The following NHSL2 variants were observed in gnomAD, a reference collection of about 807,000 sequenced individuals.
The protein encoded by NHSL2 is NHS-like protein 2.
Under a neutral mutation model 53.4 loss-of-function variants are expected in NHSL2, and 27 were observed. The ratio of observed to expected loss-of-function variants is 0.51; its 90% CI spans 0.37 to 0.70. The LOEUF (loss-of-function observed/expected upper bound fraction) is 0.70, where lower values mean the gene tolerates loss of function less well. Among genes scored for constraint, NHSL2 ranks in the 30% least tolerant of loss-of-function variants. The probability of loss-of-function intolerance (pLI) is 0.00; values close to 1 mark genes in which losing one functional copy is unlikely to be tolerated. For synonymous variants in NHSL2, 408 were observed against 404.1 expected (o/e 1.01, Z -0.12); for missense variants, 892 against 980.1 (o/e 0.91, Z 1.20).
At chrX:72,027,995 CGCTGCTGCT>C (rs1207111467) in intron 1 of NHSL2, among the ~76,000 whole-genome samples, 1 of 111,161 alleles carries the variant, frequency 9.0e-6, no homozygotes, top group Non-Finnish European at 1.9e-5. Context: ...CTGCTGCTGC[CGCTGCTGCT>C]GCTGCTGCCA....
chrX:71,921,398 T>C (rs182777068), intron 1 of NHSL2, among the ~76,000 whole-genome samples: 4 of 101,799 alleles, frequency 3.9e-5, no homozygotes, highest in Admixed American at 3.2e-4. Flanking sequence ...CCAGCCTGGG[T>C]GACAAGAGCA....
intron 1 of NHSL2, among the ~76,000 whole-genome samples, chrX:72,111,133 C>T (rs1434267884): frequency 8.9e-6 from 1 of 112,626 alleles, no homozygotes; most frequent in African/African-American, 3.2e-5. Context: ...CATCTCCCTG[C>T]CCCGGACTCT....
intron 1 of NHSL2, among the ~76,000 whole-genome samples, chrX:72,062,222 G>A (rs1166062993): frequency 8.9e-6 from 1 of 112,261 alleles, no homozygotes; most frequent in East Asian, 2.8e-4. Context: ...AGAGGGTGGT[G>A]TGCTAGACCT....
chrX:71,952,744 C>T (rs971961365), intron 1 of NHSL2, among the ~76,000 whole-genome samples: 1 of 110,846 alleles, frequency 9.0e-6, no homozygotes, highest in African/African-American at 3.3e-5. Flanking sequence ...ATAGCAGACA[C>T]GTGTCTTCAG....
chrX:72,087,172 AC>A (rs1232832738), intron 1 of NHSL2, among the ~76,000 whole-genome samples: 4 of 112,804 alleles, frequency 3.5e-5, no homozygotes, highest in Admixed American at 9.3e-5. Context: ...ATATTATACA[AC>A]CAAAAAAAGG....
intron 1 of NHSL2, among the ~76,000 whole-genome samples, chrX:72,085,429 T>C (rs772873113): frequency 8.9e-6 from 1 of 112,318 alleles, no homozygotes; most frequent in South Asian, 3.7e-4. Flanking sequence ...GACATTCTTT[T>C]TTAATCTGGT....
At chrX:72,079,367 G>A (rs2041770311) in intron 1 of NHSL2, among the ~76,000 whole-genome samples, 1 of 112,424 alleles carries the variant, frequency 8.9e-6, no homozygotes, top group Non-Finnish European at 1.9e-5. Context: ...AAGAGGTAGG[G>A]AAGATCGGCA....
At chrX:71,970,419 T>A (rs746670302) in intron 1 of NHSL2, among the ~76,000 whole-genome samples, 2 of 112,497 alleles carry the variant, frequency 1.8e-5, no homozygotes, top group South Asian at 3.7e-4. Flanking sequence ...TTGTTATAAG[T>A]CTATTCGGAT....
intron 1 of NHSL2, among the ~76,000 whole-genome samples, chrX:72,070,242 G>T (rs992790512): frequency 9.9e-6 from 1 of 100,750 alleles, no homozygotes; most frequent in Non-Finnish European, 2.0e-5. Context: ...TGCATGGAAT[G>T]ATCCAGACAA....
intron 1 of NHSL2, among the ~76,000 whole-genome samples, chrX:71,947,687 T>A (rs1228182090): frequency 8.9e-6 from 1 of 112,397 alleles, no homozygotes; most frequent in Non-Finnish European, 1.9e-5. Flanking sequence ...GTAGTGTCCC[T>A]GCTTCCCTGT....
At chrX:71,998,571 T>A (rs925009256) in intron 1 of NHSL2, among the ~76,000 whole-genome samples, 3 of 111,384 alleles carry the variant, frequency 2.7e-5, no homozygotes, top group Non-Finnish European at 5.7e-5. Context: ...GATCTTTACG[T>A]GGAGGTTTAG....
rs189247818 is a variant in NHSL2 at position 72,087,510 on chromosome X, G to A, written c.281-44569G>A. The stretch of plus-strand genomic sequence containing the variant: ...CTTAAAAGGGCAAATTGTGTCTTAC[G>A]TATATTTTACTGCAACAAAGTAGTT... On this transcript the variant is annotated intron_variant, in intron 1 of 7. Coordinates refer to ENST00000633930, the MANE Select transcript of NHSL2 (RefSeq NM_001013627.3). 3.5e-5 allele frequency among the ~76,000 whole-genome samples: 4 copies of A among 112,826 alleles called. No individual in the cohort carries two copies. In the East Asian group the frequency reaches 8.3e-4, roughly 23 times the overall value.
chrX:71,998,198 T>A lies in NHSL2; in HGVS notation c.280+86831T>A, dbSNP rs181479635. Among the ~76,000 whole-genome samples, 9 of 112,504 alleles carry A rather than the reference T, an allele frequency of 8.0e-5. No individual in the cohort carries two copies. In the Admixed American group the frequency reaches 8.5e-4, roughly 11 times the overall value. On this transcript the variant is annotated intron_variant, in intron 1 of 7. Coordinates refer to ENST00000633930, the MANE Select transcript of NHSL2 (RefSeq NM_001013627.3). ...CAGGCCCTGAGCTGAGAGCTGGGGA[T>A]GTATTGAAGACAAGATAGACAAGGG...
intron 1 of NHSL2, among the ~76,000 whole-genome samples, chrX:72,098,455 C>A (rs1423646406): frequency 9.1e-6 from 1 of 109,894 alleles, no homozygotes; most frequent in Non-Finnish European, 1.9e-5. Flanking sequence ...GTGGCGGGCG[C>A]CTGTAGTCCC....
At chrX:72,029,424 T>G (rs1261424173) in intron 1 of NHSL2, among the ~76,000 whole-genome samples, 1 of 112,510 alleles carries the variant, frequency 8.9e-6, no homozygotes, top group Admixed American at 9.3e-5. Context: ...TGTTTGCGAC[T>G]GAACTGGGCT....
rs182706528 is a variant in NHSL2 at position 72,028,153 on chromosome X, C to T, written c.281-103926C>T. ...GCTAAGGTGAATGGGATTCAGTCTG[C>T]TCCAGCTGCATGTGCAGTGGGCCAG... On this transcript the variant is annotated intron_variant, in intron 1 of 7. Transcript: ENST00000633930. Among the ~76,000 whole-genome samples the T allele has an allele frequency of 2.9e-3, 324 of 112,734 alleles. 1 individual carries two copies. The highest frequency in any genetic ancestry group is 5.3e-3 in the Non-Finnish European group (283 of 53,331).
Position 71,974,094 on chromosome X carries a change from T to C in NHSL2, c.280+62727T>C, listed in dbSNP as rs767408307. On this transcript the variant is annotated intron_variant, in intron 1 of 7. Transcript: ENST00000633930. ...CTTACTGTGTGCTCTGAGGAAAATT[T>C]CCAGAGACTTTAAATGGTTATTTAA... Among the ~76,000 whole-genome samples, 16 of 112,399 alleles carry C rather than the reference T, an allele frequency of 1.4e-4. No homozygotes were observed. In the South Asian group the frequency reaches 5.9e-3, roughly 42 times the overall value.
At chrX:72,085,882 A>G (rs2041838936) in intron 1 of NHSL2, among the ~76,000 whole-genome samples, 1 of 108,993 alleles carries the variant, frequency 9.2e-6, no homozygotes, top group Non-Finnish European at 1.9e-5. Flanking sequence ...CCTCCTCCTC[A>G]AACTCCAGGC....
At chrX:71,982,422 T>G (rs953812276) in intron 1 of NHSL2, among the ~76,000 whole-genome samples, 2 of 111,878 alleles carry the variant, frequency 1.8e-5, no homozygotes, top group Admixed American at 9.5e-5. Context: ...GGCATACAAC[T>G]CCGAAAATCC....
Sources: allele counts gnomAD v4.1 joint callset (sites outside exome capture counted in the v4.1 genomes callset), GRCh38; gene constraint gnomAD v4.1.1; transcripts MANE v1.5; gene names NCBI Gene and HGNC (gene_info 2026-07-23, HGNC 2026-07-21).